Variants in ODAD4 observed in about 807,000 individuals in gnomAD.
ODAD4 encodes outer dynein arm-docking complex subunit 4.
In ODAD4, 49 loss-of-function variants were observed where a neutral mutation model predicts 51.8. The observed-to-expected ratio is 0.95, with a 90% CI of 0.75 to 1.20. The LOEUF (loss-of-function observed/expected upper bound fraction) is 1.20, where lower values mean the gene tolerates loss of function less well. Among genes scored for constraint, ODAD4 ranks in the 50% most tolerant of loss-of-function variants. ODAD4 has a pLI of 0.00. For synonymous variants in ODAD4, 235 were observed against 221.3 expected (o/e 1.06, Z -0.55); for missense variants, 590 against 586.5 (o/e 1.01, Z -0.06).
intron 10 of ODAD4, among the ~76,000 whole-genome samples, chr17:41,955,587 T>C (rs1483857348): frequency 6.6e-6 from 1 of 151,846 alleles, no homozygotes; most frequent in Non-Finnish European, 1.5e-5. Context: ...CCACCACGTC[T>C]GGCTAATTTT....
chr17:41,963,772 CT>C (rs544280636), intron 11 of ODAD4, among the ~76,000 whole-genome samples: 48 of 115,234 alleles, frequency 4.2e-4, no homozygotes, highest in Non-Finnish European at 3.9e-4. Flanking sequence ...GCCACTGTGC[CT>C]TTTTTTTTTT....
intron 9 of ODAD4, among the ~76,000 whole-genome samples, chr17:41,950,812 G>A (rs953157595): frequency 4.6e-5 from 7 of 151,172 alleles, no homozygotes; most frequent in African/African-American, 7.3e-5. Context: ...GGGTTCAAGC[G>A]ATTCTGCTGT....
rs1175626660 is a variant in ODAD4, at chr17:41,947,319, G to GA, written c.1146-1826dup. ...AAACACTGTCTCTACTAAAAAAAAA[G>GA]AAAAAAAATACAAAAGTTAGCCAGG... On this transcript the variant is annotated intron_variant, in intron 8 of 11. Transcript: ENST00000377540. Among the ~76,000 whole-genome samples the GA allele has an allele frequency of 4.7e-5, 7 of 147,716 alleles. No individual in the cohort carries two copies. The East Asian group carries it at 6.2e-4, about 13-fold the overall frequency.
chr17:41,944,856 C>T (rs186407317), intron 7 of ODAD4, among the ~76,000 whole-genome samples: 1 of 152,238 alleles, frequency 6.6e-6, no homozygotes, highest in Non-Finnish European at 1.5e-5. Flanking sequence ...GTTCTTGTCA[C>T]ATTATCTTTT....
Position 41,964,953 on chromosome 17 carries a change from A to T in ODAD4, c.1529-40A>T, listed in dbSNP as rs116764089. 533 of 669,462 alleles carry T rather than the reference A, an allele frequency of 8.0e-4. 4 individuals carry two copies. The African/African-American group carries it at 8.9e-3, about 11-fold the overall frequency. The allele number at this position is 669,462 out of a possible 1,614,324, so 41.5% of individuals were successfully genotyped here. On this transcript the variant is annotated intron_variant, in intron 11 of 11. Coordinates refer to ENST00000377540, the MANE Select transcript of ODAD4 (RefSeq NM_031421.5). ...CCACCGCACCCGGCCTGACATGAACAAACTTTTATCTTTCTTCCCGCTTTT... is the reference window on the plus strand; with the variant it reads ...CCACCGCACCCGGCCTGACATGAACTAACTTTTATCTTTCTTCCCGCTTTT...
At chr17:41,958,209 T>C (rs1380216983) in intron 10 of ODAD4, among the ~76,000 whole-genome samples, 1 of 152,190 alleles carries the variant, frequency 6.6e-6, no homozygotes, top group East Asian at 1.9e-4. Flanking sequence ...GTCCCCTCTT[T>C]GAGGCGGCCT....
intron 8 of ODAD4, among the ~76,000 whole-genome samples, chr17:41,946,565 T>G (rs574712022): frequency 9.3e-4 from 142 of 152,332 alleles, no homozygotes; most frequent in South Asian, 2.7e-3. Flanking sequence ...CCTCAGGTGA[T>G]TCACCCGCCA....
intron 8 of ODAD4, among the ~76,000 whole-genome samples, chr17:41,948,870 G>GCC (rs2050620314): frequency 6.6e-6 from 1 of 152,070 alleles, no homozygotes; most frequent in Non-Finnish European, 1.5e-5. Context: ...TCGAACTCCT[G>GCC]ACCTCAGGTG....
intron 11 of ODAD4, among the ~76,000 whole-genome samples, chr17:41,963,302 TA>T (rs199524606): frequency 1.9e-3 from 277 of 148,244 alleles, no homozygotes; most frequent in African/African-American, 4.4e-3. Flanking sequence ...CCATAACTGA[TA>T]AAAAAAAAAA....
At chr17:41,962,936 A>G (rs542280951) in intron 11 of ODAD4, among the ~76,000 whole-genome samples, 4 of 152,210 alleles carry the variant, frequency 2.6e-5, no homozygotes, top group Non-Finnish European at 5.9e-5. Context: ...GCCAGATGAC[A>G]GCCCTTTATT....
chr17:41,951,080 A>G (rs2050644777), intron 9 of ODAD4, among the ~76,000 whole-genome samples: 1 of 124,154 alleles, frequency 8.1e-6, no homozygotes, highest in African/African-American at 2.8e-5. Context: ...ACAACTCTGT[A>G]AATTTTCTTC....
At chr17:41,964,834 G>A (rs576960347) in intron 11 of ODAD4, among the ~76,000 whole-genome samples, 159 bp from the exon 12 acceptor site, 22 of 152,078 alleles carry the variant, frequency 1.4e-4, no homozygotes, top group Admixed American at 7.2e-4. Context: ...GTACAGACAG[G>A]GTCTCACTGT....
chr17:41,930,968 G>A (rs1043927863), intron 1 of ODAD4, 131 bp downstream of exon 1: 7 of 560,440 alleles, frequency 1.2e-5, no homozygotes, highest in Non-Finnish European at 2.1e-5. Flanking sequence ...ATCTCGGCTC[G>A]CCGCAACCTC....
chr17:41,942,387 CA>C (rs34415076), intron 7 of ODAD4, among the ~76,000 whole-genome samples: 3,348 of 152,314 alleles, frequency 0.022, 134 homozygotes, highest in African/African-American at 0.076. Context: ...GTGCCCACGG[CA>C]CTCATTTATT....
intron 1 of ODAD4, among the ~76,000 whole-genome samples, chr17:41,931,372 C>T (rs2050334794): frequency 6.6e-6 from 1 of 152,130 alleles, no homozygotes; most frequent in Non-Finnish European, 1.5e-5. Context: ...TTAACAGTGA[C>T]CTTTTCCTCC....
chr17:41,939,812 C>CGGGCTGTGGAGTCAGGCAGACCT (rs2050481945), intron 7 of ODAD4, among the ~76,000 whole-genome samples: 1 of 152,088 alleles, frequency 6.6e-6, no homozygotes, highest in Non-Finnish European at 1.5e-5. Context: ...ATCAAGAGCA[C>CGGGCTGTGGAGTCAGGCAGACCT]GGGCTGTGGA....
chr17:41,945,140 C>G lies in ODAD4; in HGVS notation c.1063C>G (p.Leu355Val). The change falls in exon 8 of 12, where the codon CTT becomes GTT. Residue 355 changes from leucine (L) to valine (V), a missense_variant. Leu to Val is a conservative substitution (Grantham distance 32). Around this residue, in one of 3 missense-constraint regions of ODAD4, gnomAD observed 226 missense variants for 162.7 expected, o/e 1.39. Transcript: ENST00000377540. ...KDLEIAKEYD[L>V]PDAKSRALDN... ...TGTTTTGCTTCTTCCCCACAGTGAC[C>G]TTCCTGATGCAAAATCGAGAGCCCT... The G allele has an allele frequency of 6.2e-7, 1 of 1,612,812 alleles. No homozygotes were observed. The highest frequency in any genetic ancestry group is 8.5e-7 in the Non-Finnish European group (1 of 1,179,486).
chr17:41,935,371 T>C (rs782650809), intron 2 of ODAD4, 23 bp downstream of exon 2: 23 of 1,610,912 alleles, frequency 1.4e-5, no homozygotes, highest in Non-Finnish European at 1.6e-5. Flanking sequence ...GCGGGAGGAC[T>C]GGATCCTGCC....
At chr17:41,937,266 A>G (rs2050442288) in intron 5 of ODAD4, among the ~76,000 whole-genome samples, 1 of 152,220 alleles carries the variant, frequency 6.6e-6, no homozygotes, top group African/African-American at 2.4e-5. Flanking sequence ...CTTTGCCTTC[A>G]ATCCTTACAA....
Sources: allele counts gnomAD v4.1 joint callset (sites outside exome capture counted in the v4.1 genomes callset), GRCh38; gene constraint gnomAD v4.1.1; regional missense constraint gnomAD v4.1.1; transcripts MANE v1.5; gene names NCBI Gene and HGNC (gene_info 2026-07-23, HGNC 2026-07-21).